The following CALN1 variants were observed in gnomAD, a reference collection of about 807,000 sequenced individuals.
The protein encoded by CALN1 is calcium-binding protein 8.
CALN1 carries 17 observed loss-of-function variants against 30.6 expected under a neutral mutation model. That is an observed-to-expected ratio of 0.56 (90% confidence interval 0.38 to 0.83). The LOEUF is 0.83. Ranked by LOEUF, CALN1 falls within the 40% of genes least tolerant of loss-of-function variation. The pLI is 0.00. For synonymous variants in CALN1, 156 were observed against 131.4 expected (o/e 1.19, Z -1.28); for missense variants, 291 against 354.9 (o/e 0.82, Z 1.45).
intron 5 of CALN1, among the ~76,000 whole-genome samples, chr7:71,826,902 TA>T (rs1788947401): frequency 6.6e-6 from 1 of 152,162 alleles, no homozygotes; most frequent in Non-Finnish European, 1.5e-5. Flanking sequence ...GGTCTCCAAC[TA>T]GGTTGCTATG....
intron 5 of CALN1, among the ~76,000 whole-genome samples, chr7:71,903,157 C>T (rs1793953042): frequency 6.6e-6 from 1 of 151,928 alleles, no homozygotes; most frequent in Admixed American, 6.6e-5. Flanking sequence ...TAAAACTGCA[C>T]TTTTACCCTC....
rs1225905824 is a variant in CALN1, at chr7:71,818,711, TA to T, written c.502-8220del. Among the ~76,000 whole-genome samples, 88 of 149,502 alleles carry T rather than the reference TA, an allele frequency of 5.9e-4. 1 individual carries two copies. Among genetic ancestry groups the T allele is most frequent in the African/African-American group, 2.0e-3 (80 of 40,294 alleles). On this transcript the variant is annotated intron_variant, in intron 5 of 6. Transcript: ENST00000395275. The stretch of plus-strand genomic sequence containing the variant: ...TTATTTATTTATTTATTTATTTATT[TA>T]TTTATTTATTTTTTTGAGCTGGAGT...
Position 72,382,356 on chromosome 7 carries a change from G to A in CALN1, c.119+20895C>T, listed in dbSNP as rs147657802. 1.5e-3 allele frequency among the ~76,000 whole-genome samples: 221 copies of A among 152,348 alleles called. 1 individual carries two copies. Among genetic ancestry groups the A allele is most frequent in the African/African-American group, 4.6e-3 (193 of 41,580 alleles). On this transcript the variant is annotated intron_variant, in intron 2 of 6. Transcript: ENST00000395275. ...GAAATAAAGAGAATCTGGGCTCACA[G>A]ACATGGGAGAAACACCTCTGCAGAG... is the stretch of plus-strand genomic sequence containing the variant.
intron 2 of CALN1, among the ~76,000 whole-genome samples, chr7:72,356,517 T>C (rs1284086670): frequency 6.6e-6 from 1 of 151,916 alleles, no homozygotes; most frequent in Admixed American, 6.5e-5. Flanking sequence ...CTGCGGTCTC[T>C]AGGGATATCA....
At chr7:72,107,606 T>C (rs182619112) in intron 3 of CALN1, among the ~76,000 whole-genome samples, 88 of 152,214 alleles carry the variant, frequency 5.8e-4, no homozygotes, top group Admixed American at 3.9e-3. Flanking sequence ...ACACAAGGAA[T>C]TGGAGGTCAC....
At position 71,780,304 on chromosome 7, in the gene CALN1, T is replaced by G. The variant is rs1792649525; in HGVS notation, c.*7471A>C. ...ACCAGGAGCTGACAGGATCCTTTCT[T>G]GGCCAATCTAGGTCTTTCCCAGGGA... On this transcript the variant is annotated 3_prime_UTR_variant, in exon 7 of 7. Coordinates refer to ENST00000395275, the MANE Select transcript of CALN1 (RefSeq NM_031468.4). 1 of 152,200 alleles carries G rather than the reference T, an allele frequency of 6.6e-6. No individual in the cohort carries two copies. The highest frequency in any genetic ancestry group is 1.5e-5 in the Non-Finnish European group (1 of 68,038). 9.4% of individuals were successfully genotyped at this position (152,200 alleles called of 1,614,324 possible). A position where few individuals can be genotyped will look rare whatever the true frequency, so the allele number is the denominator to read the frequency against.
At chr7:71,879,236 A>G (rs529447638) in intron 5 of CALN1, among the ~76,000 whole-genome samples, 6 of 152,240 alleles carry the variant, frequency 3.9e-5, no homozygotes, top group African/African-American at 1.2e-4. Context: ...CAACTGAGAT[A>G]TGTTTTTTTC....
intron 4 of CALN1, among the ~76,000 whole-genome samples, chr7:72,046,090 A>T (rs984591568): frequency 6.6e-6 from 1 of 151,744 alleles, no homozygotes; most frequent in Non-Finnish European, 1.5e-5. Context: ...AGGCAGGAGA[A>T]TTGCTTGAGC....
chr7:72,021,866 T>C (rs931225298), intron 5 of CALN1, among the ~76,000 whole-genome samples: 1 of 152,262 alleles, frequency 6.6e-6, no homozygotes, highest in African/African-American at 2.4e-5. Flanking sequence ...ACTCAGCATG[T>C]CCAATTGAGG....
the CALN1 span, among the ~76,000 whole-genome samples, chr7:72,480,385 A>C: frequency 6.6e-6 from 1 of 152,108 alleles, no homozygotes; most frequent in Non-Finnish European, 1.5e-5. Context: ...CTTTAAATTT[A>C]TATGTTGTTA....
intron 3 of CALN1, among the ~76,000 whole-genome samples, chr7:72,277,788 C>A (rs372047076): frequency 6.6e-6 from 1 of 152,064 alleles, no homozygotes; most frequent in African/African-American, 2.4e-5. Context: ...ACAAAGCACA[C>A]TGATTTGAAC....
At position 71,784,567 on chromosome 7, in the gene CALN1, G is replaced by T. The variant is rs1247576644; in HGVS notation, c.*3208C>A. On this transcript the variant is annotated 3_prime_UTR_variant, in exon 7 of 7. Coordinates refer to ENST00000395275, the MANE Select transcript of CALN1 (RefSeq NM_031468.4). Reference sequence around the variant, plus strand: ...GGGGCGCAGCTTCTTTGGGGATCAAGGGGGTCAGGGTCCATTTCCCCTTCT... The same window carrying T: ...GGGGCGCAGCTTCTTTGGGGATCAATGGGGTCAGGGTCCATTTCCCCTTCT... 1 of 362,336 alleles carries T rather than the reference G, an allele frequency of 2.8e-6. No homozygotes were observed. Among genetic ancestry groups the T allele is most frequent in the Non-Finnish European group, 4.9e-6 (1 of 203,902 alleles). The allele number at this position is 362,336 out of a possible 1,614,324, so 22.4% of individuals were successfully genotyped here.
At chr7:72,500,266 CTTCTTTTTTTTTTTTTTTTT>C in the CALN1 span, among the ~76,000 whole-genome samples, 1 of 76,802 alleles carries the variant, frequency 1.3e-5, no homozygotes, top group East Asian at 4.4e-4. Flanking sequence ...CTGTTCGTTC[CTTCTTTTTTTTTTTTTTTTT>C]TTTTTTTTTT....
chr7:72,359,990 A>AAAAC (rs1365927582), intron 2 of CALN1, among the ~76,000 whole-genome samples: 1 of 148,178 alleles, frequency 6.7e-6, no homozygotes, highest in Admixed American at 6.7e-5. Flanking sequence ...AAAAAAAAAA[A>AAAAC]ACCAAAGTTG....
the CALN1 span, among the ~76,000 whole-genome samples, chr7:72,474,301 A>G: frequency 6.6e-6 from 1 of 152,180 alleles, no homozygotes; most frequent in East Asian, 1.9e-4. Flanking sequence ...TCTCTGTATT[A>G]TTTCTTACTT....
chr7:71,947,200 G>A (rs745350212), intron 5 of CALN1, among the ~76,000 whole-genome samples: 9 of 152,074 alleles, frequency 5.9e-5, no homozygotes, highest in African/African-American at 9.6e-5. Context: ...TAGTAGAGAC[G>A]GGGTTTCATC....
chr7:71,858,999 C>G (rs1246784774), intron 5 of CALN1, among the ~76,000 whole-genome samples: 1 of 152,164 alleles, frequency 6.6e-6, no homozygotes, highest in Non-Finnish European at 1.5e-5. Context: ...TGAACAAGTT[C>G]AGAGTAGAAG....
intron 1 of CALN1, among the ~76,000 whole-genome samples, chr7:72,431,590 G>T (rs1807980500): frequency 6.6e-6 from 1 of 152,148 alleles, no homozygotes; most frequent in South Asian, 2.1e-4. Context: ...TATAACCCCA[G>T]CACTTTGGGG....
chr7:72,060,058 G>T (rs992547854), intron 4 of CALN1, among the ~76,000 whole-genome samples: 3 of 152,128 alleles, frequency 2.0e-5, no homozygotes, highest in Non-Finnish European at 2.9e-5. Context: ...AAGACCCCGG[G>T]CAGTGGGCAT....
Sources: allele counts gnomAD v4.1 joint callset (sites outside exome capture counted in the v4.1 genomes callset), GRCh38; gene constraint gnomAD v4.1.1; transcripts MANE v1.5; gene names NCBI Gene and HGNC (gene_info 2026-07-23, HGNC 2026-07-21).